Variants in TOLLIP observed in about 807,000 individuals in gnomAD.
TOLLIP encodes toll-interacting protein.
A neutral mutation model predicts 33.5 loss-of-function variants in TOLLIP; 16 were observed. The observed-to-expected ratio is 0.48, with a 90% CI of 0.32 to 0.72. TOLLIP has a LOEUF of 0.72. Ranked by LOEUF, TOLLIP falls within the 30% of genes least tolerant of loss-of-function variation. The probability of loss-of-function intolerance (pLI) is 0.03; values close to 1 mark genes in which losing one functional copy is unlikely to be tolerated. For synonymous variants in TOLLIP, 176 were observed against 163.7 expected, an observed-to-expected ratio of 1.07 and a Z score of -0.57; for missense variants, 325 against 396.6, an observed-to-expected ratio of 0.82 and a Z score of 1.53.
In TOLLIP at chr11:1,289,336, G is replaced by A. The variant is rs1020788944; in HGVS notation, c.367-560C>T. On this transcript the variant is annotated intron_variant, in intron 3 of 5. Transcript: ENST00000317204. ...GGGCTGGCCGTCTGCTGGCCTGGCT[G>A]CCCCACACTGCTCCCCGGCCCCCAC... 5.3e-5 allele frequency among the ~76,000 whole-genome samples: 8 copies of A among 152,188 alleles called. No individual in the cohort carries two copies. The East Asian group carries it at 1.3e-3, about 26-fold the overall frequency.
intron 4 of TOLLIP, among the ~76,000 whole-genome samples, chr11:1,287,990 T>C (rs181336373): frequency 5.1e-4 from 78 of 152,110 alleles, no homozygotes; most frequent in African/African-American, 1.8e-3. Context: ...CTCTGGTTGA[T>C]GATACAGACG....
rs1863384042 is a variant in TOLLIP, at chr11:1,278,493, G to A, written c.611-1240C>T. 6.6e-6 allele frequency among the ~76,000 whole-genome samples: 1 copy of A among 152,210 alleles called. No individual in the cohort carries two copies. The highest frequency in any genetic ancestry group is 2.1e-4 in the South Asian group (1 of 4,832). On this transcript the variant is annotated intron_variant, in intron 5 of 5. Transcript: ENST00000317204. The surrounding 1 kb of genome is among the most constrained non-coding windows in gnomAD (Gnocchi z 4.7). ...GACCTGCAGGGGTGTAAACGGAGCA[G>A]ACAGGGCTTGCCACCAAGCCTCCTG...
At chr11:1,292,861 G>T (rs1863994728) in intron 2 of TOLLIP, among the ~76,000 whole-genome samples, 1 of 152,280 alleles carries the variant, frequency 6.6e-6, no homozygotes, top group South Asian at 2.1e-4. Context: ...TATGCGGGCT[G>T]CAGGATCTGG....
intron 5 of TOLLIP, among the ~76,000 whole-genome samples, chr11:1,280,518 CAGAGA>C (rs1466538542): frequency 3.3e-5 from 5 of 151,822 alleles, no homozygotes; most frequent in African/African-American, 1.2e-4. Flanking sequence ...GTGGGGGCAG[CAGAGA>C]AAAGAGAGAA....
At chr11:1,292,340 A>T (rs1437582224) in intron 2 of TOLLIP, among the ~76,000 whole-genome samples, 1 of 152,148 alleles carries the variant, frequency 6.6e-6, no homozygotes, top group East Asian at 1.9e-4. Context: ...AGCTGCTATG[A>T]CTTATTTTTA....
At chr11:1,284,079 A>G (rs909697675) in intron 5 of TOLLIP, among the ~76,000 whole-genome samples, 4 of 152,078 alleles carry the variant, frequency 2.6e-5, no homozygotes, top group African/African-American at 9.7e-5. Flanking sequence ...TCCAGGAGCC[A>G]CTCTGGGGGG....
intron 4 of TOLLIP, among the ~76,000 whole-genome samples, chr11:1,288,017 GCGTCTTGGAGCCT>G (rs1362879750): frequency 6.6e-6 from 1 of 152,080 alleles, no homozygotes; most frequent in Non-Finnish European, 1.5e-5. Flanking sequence ...CAGGAGCTCT[GCGTCTTGGAGCCT>G]CTAACTGGCC....
In TOLLIP at chr11:1,276,928, G is replaced by A; in HGVS notation, c.*111C>T. On this transcript the variant is annotated 3_prime_UTR_variant, in exon 6 of 6. Transcript: ENST00000317204. ...GGGGCGGCACAGAAGTCCACGGGAGGGGGCGACACGGGTGCTCTTTCACGG... is the reference window on the plus strand; with the variant it reads ...GGGGCGGCACAGAAGTCCACGGGAGAGGGCGACACGGGTGCTCTTTCACGG... 1 of 1,573,202 alleles carries A rather than the reference G, an allele frequency of 6.4e-7. No individual in the cohort carries two copies. Among genetic ancestry groups the A allele is most frequent in the African/African-American group, 1.3e-5 (1 of 74,344 alleles).
chr11:1,288,994 T>TGGGCCAGGGCCA (rs1044578941), intron 3 of TOLLIP, among the ~76,000 whole-genome samples: 3 of 152,204 alleles, frequency 2.0e-5, no homozygotes, highest in Non-Finnish European at 2.9e-5. Context: ...TCCACCAGGA[T>TGGGCCAGGGCCA]GGGCCAGGGC....
At position 1,290,304 on chromosome 11, in the gene TOLLIP, T is replaced by C. The variant is rs1863892034; in HGVS notation, c.289A>G (p.Asn97Asp). 1 of 1,613,530 alleles carries C rather than the reference T, an allele frequency of 6.2e-7. No individual in the cohort carries two copies. Among genetic ancestry groups the C allele is most frequent in the South Asian group, 1.1e-5 (1 of 91,086 alleles). ...TGGATGACCTTATTCCAGCGGGGAT[T>C]CTTGGCGCCATTGTGTGCCGTGGGC... ...ETPTAHNGAK[N>D]PRWNKVIHCT... The change falls in exon 3 of 6, where the codon AAT becomes GAT. Residue 97 changes from asparagine to aspartate, a missense_variant. Asn to Asp is a conservative substitution (Grantham distance 23). Transcript: ENST00000317204. The surrounding 1 kb of genome is among the most constrained non-coding windows in gnomAD (Gnocchi z 4.9).
rs369761966 is a variant in TOLLIP, at chr11:1,290,181, G to A, written c.366+46C>T. The A allele has an allele frequency of 1.6e-5, 25 of 1,583,870 alleles. No individual in the cohort carries two copies. Among genetic ancestry groups the A allele is most frequent in the South Asian group, 1.2e-4 (11 of 89,426 alleles). On this transcript the variant is annotated intron_variant, in intron 3 of 5. Coordinates refer to ENST00000317204, the MANE Select transcript of TOLLIP (RefSeq NM_019009.4). This position sits in a 1 kb window ranked among gnomAD's most constrained non-coding sequence, Gnocchi z 4.9. ...GCAGGTGTGTCCCCACGGCAGCCAC[G>A]CTCAGCCACGTGCAGCCTCCATAAT...
Position 1,303,981 on chromosome 11 carries a change from A to C in TOLLIP, c.33+5485T>G, listed in dbSNP as rs1173683590. Among the ~76,000 whole-genome samples the C allele has an allele frequency of 6.9e-6, 1 of 145,072 alleles. No individual in the cohort carries two copies. The highest frequency in any genetic ancestry group is 2.2e-4 in the East Asian group (1 of 4,534). On this transcript the variant is annotated intron_variant, in intron 1 of 5. Transcript: ENST00000317204. The surrounding 1 kb of genome is among the most constrained non-coding windows in gnomAD (Gnocchi z 4.2). ...AACCTGGGAGGAAGAGGTTGCAGTG[A>C]GTTGAGATTGTGCCACTGCACTCCA...
chr11:1,302,888 C>T (rs1864323711), intron 1 of TOLLIP: 6 of 703,470 alleles, frequency 8.5e-6, no homozygotes, highest in Non-Finnish European at 1.0e-5. Flanking sequence ...ACTCATTCGC[C>T]GTGCCTTGTC....
chr11:1,295,538 G>A (rs911168014), intron 2 of TOLLIP, 107 bp downstream of exon 2: 224 of 1,327,238 alleles, frequency 1.7e-4, no homozygotes, highest in Admixed American at 3.0e-4. Flanking sequence ...GGAATCAGAA[G>A]TTCTGTTTGC....
Position 1,290,498 on chromosome 11 carries a change from A to G in TOLLIP, c.184-89T>C. On this transcript the variant is annotated intron_variant, in intron 2 of 5. Coordinates refer to ENST00000317204, the MANE Select transcript of TOLLIP (RefSeq NM_019009.4). This position sits in a 1 kb window ranked among gnomAD's most constrained non-coding sequence, Gnocchi z 4.9. ...GCCGTCTGCCTCCCTGAACCCTTCC[A>G]CGAGGCCTTTTCCTAACACATAGAC... The G allele has an allele frequency of 7.8e-7, 1 of 1,278,110 alleles. No individual in the cohort carries two copies. Among genetic ancestry groups the G allele is most frequent in the Non-Finnish European group, 1.1e-6 (1 of 907,752 alleles). 79.2% of individuals were successfully genotyped at this position (1,278,110 alleles called of 1,614,324 possible).
chr11:1,298,095 G>C (rs1036380780), intron 1 of TOLLIP: 1 of 152,294 alleles, frequency 6.6e-6, no homozygotes, highest in Admixed American at 6.5e-5. Context: ...CCAGGAACGG[G>C]TTATCTTGCA....
intron 1 of TOLLIP, among the ~76,000 whole-genome samples, chr11:1,297,650 G>A (rs887778249): frequency 6.6e-6 from 1 of 152,264 alleles, no homozygotes; most frequent in Non-Finnish European, 1.5e-5. Context: ...CGTACTGCGA[G>A]AACAAGCAGA....
chr11:1,295,594 C>T, intron 2 of TOLLIP, 51 bp downstream of exon 2: 1 of 1,444,040 alleles, frequency 6.9e-7, no homozygotes, highest in South Asian at 1.5e-5. Context: ...AAATCCCACC[C>T]CCACCGAGCG....
At chr11:1,291,441 A>G (rs1466678689) in intron 2 of TOLLIP, among the ~76,000 whole-genome samples, 1 of 143,856 alleles carries the variant, frequency 7.0e-6, no homozygotes, top group Non-Finnish European at 1.5e-5. Context: ...GAGTCCAGAC[A>G]CTGCCCCCCG....
Sources: gnomAD v4.1 joint callset for allele counts (sites outside exome capture counted in the v4.1 genomes callset) on GRCh38, gnomAD v4.1.1 for gene constraint, Gnocchi (gnomAD v3.1) non-coding constraint, MANE v1.5 for transcripts, NCBI Gene and HGNC (gene_info 2026-07-23, HGNC 2026-07-21) for gene names.